AOPEP: variants seen among roughly 807,000 people sequenced by gnomAD.
AOPEP encodes aminopeptidase O (putative).
AOPEP carries 77 observed loss-of-function variants against 98.1 expected under a neutral mutation model. The observed-to-expected ratio is 0.78, with a 90% CI of 0.65 to 0.95. AOPEP has a LOEUF of 0.95. AOPEP is among the 40% of genes least tolerant of loss of function. AOPEP has a pLI of 0.00. For synonymous variants in AOPEP, 346 were observed against 365.3 expected (o/e 0.95, Z 0.60); for missense variants, 1,024 against 1,024.7 (o/e 1.00, Z 0.01).
intron 1 of AOPEP, among the ~76,000 whole-genome samples, chr9:94,732,321 A>G (rs929041923): frequency 1.3e-5 from 2 of 151,640 alleles, no homozygotes; most frequent in African/African-American, 2.4e-5. Flanking sequence ...ACTAATTCCC[A>G]TCTCTTTTAC....
At chr9:94,771,452 T>C (rs1337515910) in intron 2 of AOPEP, among the ~76,000 whole-genome samples, 1 of 152,168 alleles carries the variant, frequency 6.6e-6, no homozygotes, top group Non-Finnish European at 1.5e-5. Context: ...AACCTTCACA[T>C]TATCATGGCA....
intron 5 of AOPEP, among the ~76,000 whole-genome samples, chr9:94,895,951 T>A (rs2049496378): frequency 2.0e-5 from 3 of 152,190 alleles, no homozygotes; most frequent in Admixed American, 2.0e-4. Flanking sequence ...AAATGAGTAG[T>A]TGTGACAGAG....
chr9:94,843,442 G>A (rs1020720762), intron 5 of AOPEP, among the ~76,000 whole-genome samples: 1 of 152,190 alleles, frequency 6.6e-6, no homozygotes, highest in African/African-American at 2.4e-5. Flanking sequence ...TGCTGGGTCT[G>A]TGTCAGTGTC....
At chr9:94,848,147 A>G (rs2043082390) in intron 5 of AOPEP, among the ~76,000 whole-genome samples, 1 of 152,168 alleles carries the variant, frequency 6.6e-6, no homozygotes, top group South Asian at 2.1e-4. Context: ...TACTTGGTTA[A>G]TAAGTAAAAC....
the AOPEP span, among the ~76,000 whole-genome samples, chr9:95,109,058 C>T: frequency 1.3e-5 from 2 of 152,120 alleles, no homozygotes; most frequent in African/African-American, 2.4e-5. Flanking sequence ...TACAGGCACA[C>T]ATTACCATAC....
At chr9:94,938,972 G>C (rs563337178) in intron 7 of AOPEP, among the ~76,000 whole-genome samples, 1 of 152,064 alleles carries the variant, frequency 6.6e-6, no homozygotes, top group Admixed American at 6.6e-5. Flanking sequence ...CTTCTAGGCC[G>C]GGCGCGGTGG....
chr9:94,860,342 A>T (rs2044776079), intron 5 of AOPEP, among the ~76,000 whole-genome samples: 1 of 150,120 alleles, frequency 6.7e-6, no homozygotes. Context: ...CCTCATATAA[A>T]TCTGAGCTTC....
At position 94,808,045 on chromosome 9, in the gene AOPEP, C is replaced by CTTT. The variant is rs1385115392; in HGVS notation, c.1364+7056_1364+7058dup. ...CTCAGCCACCTTTTCTTTTTTCTTT[C>CTTT]TTTTTTTTTTTTTTTGAGACGGAGT... On this transcript the variant is annotated intron_variant, in intron 5 of 16. Transcript: ENST00000375315. 8.4e-5 allele frequency among the ~76,000 whole-genome samples: 12 copies of CTTT among 142,650 alleles called. 1 individual carries two copies. Among genetic ancestry groups the CTTT allele is most frequent in the African/African-American group, 2.3e-4 (9 of 38,642 alleles). The allele number at this position is 142,650 out of a possible 152,430, so 93.6% of individuals were successfully genotyped here.
At chr9:94,775,373 A>ACT (rs1841850905) in intron 3 of AOPEP, among the ~76,000 whole-genome samples, 1 of 140,280 alleles carries the variant, frequency 7.1e-6, no homozygotes, top group Non-Finnish European at 1.6e-5. Context: ...TATTTACTTG[A>ACT]TTTTTTTTTT....
chr9:94,883,510 G>T (rs2047835858), intron 5 of AOPEP, among the ~76,000 whole-genome samples: 2 of 152,150 alleles, frequency 1.3e-5, no homozygotes, highest in Non-Finnish European at 2.9e-5. Context: ...AGAGTGATGG[G>T]CTGAGGCTCA....
chr9:94,778,213 CA>C (rs1842576853), intron 3 of AOPEP, among the ~76,000 whole-genome samples: 1 of 152,102 alleles, frequency 6.6e-6, no homozygotes, highest in South Asian at 2.1e-4. Context: ...TGAAAGAATG[CA>C]ACCACTTTGG....
At chr9:94,745,281 T>A (rs958077663) in intron 1 of AOPEP, among the ~76,000 whole-genome samples, 8 of 151,142 alleles carry the variant, frequency 5.3e-5, no homozygotes, top group African/African-American at 1.9e-4. Flanking sequence ...TGTTTTAATT[T>A]TTTTTTTTTT....
rs2053209602 is a variant in AOPEP, at chr9:94,918,963, T to C, written c.1365-5023T>C. Among the ~76,000 whole-genome samples the C allele has an allele frequency of 2.0e-5, 3 of 152,042 alleles. No homozygotes were observed. In the South Asian group the frequency reaches 6.2e-4, roughly 32 times the overall value. On this transcript the variant is annotated intron_variant, in intron 5 of 16. Transcript: ENST00000375315. ...CGGAGTCTCGCACTGTTGCCTGGGCTGGAGTGCAATGGTGCAATCTCGGCT... is the reference window on the plus strand; with the variant it reads ...CGGAGTCTCGCACTGTTGCCTGGGCCGGAGTGCAATGGTGCAATCTCGGCT...
intron 7 of AOPEP, among the ~76,000 whole-genome samples, chr9:94,938,698 G>A (rs16911856): frequency 0.051 from 7,696 of 152,242 alleles, 225 homozygotes; most frequent in Admixed American, 0.081. Context: ...GGAGCTCCTC[G>A]GATGCCAAAT....
the AOPEP span, chr9:95,142,513 G>C: frequency 6.6e-6 from 1 of 152,202 alleles, no homozygotes; most frequent in Non-Finnish European, 1.5e-5. Flanking sequence ...GGCAAGACTG[G>C]GCACATTTAG....
chr9:94,967,448 G>A (rs759751145), intron 9 of AOPEP, among the ~76,000 whole-genome samples: 1 of 152,178 alleles, frequency 6.6e-6, no homozygotes, highest in Non-Finnish European at 1.5e-5. Flanking sequence ...GAGGGATAAT[G>A]CTTTACTTGA....
chr9:95,019,595 A>C (rs1266151278), intron 13 of AOPEP: 1 of 152,224 alleles, frequency 6.6e-6, no homozygotes, highest in African/African-American at 2.4e-5. Flanking sequence ...CCCTTTTGCT[A>C]AACACAGTTG....
rs551745877 is a variant in AOPEP, at chr9:95,080,303, G to C, written c.2233-391G>C. Among the ~76,000 whole-genome samples, 324 of 152,250 alleles carry C rather than the reference G, an allele frequency of 2.1e-3. 2 individuals are homozygous for C. Among genetic ancestry groups the C allele is most frequent in the Non-Finnish European group, 3.1e-3 (212 of 68,012 alleles). On this transcript the variant is annotated intron_variant, in intron 14 of 16. Coordinates refer to ENST00000375315, the MANE Select transcript of AOPEP (RefSeq NM_001193329.3). ...AGCACTTTGAGAGGCTGGGGCGGGCGGATCACGAGGTGAGGAGATCGAGAC... is the reference window on the plus strand; with the variant it reads ...AGCACTTTGAGAGGCTGGGGCGGGCCGATCACGAGGTGAGGAGATCGAGAC...
intron 2 of AOPEP, among the ~76,000 whole-genome samples, chr9:94,768,844 C>T (rs1461771114): frequency 6.6e-6 from 1 of 152,196 alleles, no homozygotes; most frequent in Non-Finnish European, 1.5e-5. Flanking sequence ...ATTACTCGAT[C>T]TAGAAATAAT....
Sources: gnomAD v4.1 joint callset for allele counts (sites outside exome capture counted in the v4.1 genomes callset) on GRCh38, gnomAD v4.1.1 for gene constraint, MANE v1.5 for transcripts, NCBI Gene and HGNC (gene_info 2026-07-23, HGNC 2026-07-21) for gene names.